OC90: variants seen among roughly 807,000 people sequenced by gnomAD.
OC90 encodes otoconin-90.
OC90 carries 46 observed loss-of-function variants against 47.3 expected under a neutral mutation model. That is an observed-to-expected ratio of 0.97 (90% CI 0.77 to 1.24). The LOEUF (loss-of-function observed/expected upper bound fraction) is 1.24. OC90 is among the 50% of genes most tolerant of loss of function. The pLI is 0.00. For synonymous variants in OC90, 271 were observed against 219.5 expected, an observed-to-expected ratio of 1.23 and a Z score of -2.07; for missense variants, 688 against 583.9, an observed-to-expected ratio of 1.18 and a Z score of -1.84.
At chr8:132,050,459 C>G (rs76790180) in intron 2 of OC90, among the ~76,000 whole-genome samples, 1,819 of 152,156 alleles carry the variant, frequency 0.012, 29 homozygotes, top group South Asian at 0.075. Flanking sequence ...AAGTAAGATC[C>G]CAGGGATGTT....
intron 2 of OC90, among the ~76,000 whole-genome samples, chr8:132,050,459 C>A (rs76790180): frequency 6.6e-6 from 1 of 152,038 alleles, no homozygotes; most frequent in South Asian, 2.1e-4. Flanking sequence ...AAGTAAGATC[C>A]CAGGGATGTT....
intron 3 of OC90, among the ~76,000 whole-genome samples, chr8:132,045,597 A>G (rs1823120559): frequency 1.3e-5 from 2 of 152,126 alleles, no homozygotes; most frequent in Admixed American, 1.3e-4. Flanking sequence ...TTTGTCTTTG[A>G]CAGAAATTTT....
At chr8:132,046,255 C>A (rs987860505) in intron 2 of OC90, among the ~76,000 whole-genome samples, 2 of 113,744 alleles carry the variant, frequency 1.8e-5, no homozygotes, top group African/African-American at 6.9e-5. Flanking sequence ...AATACCCCAA[C>A]CCCCAAGGAG....
chr8:132,029,661 C>T (rs926217039), intron 12 of OC90, among the ~76,000 whole-genome samples: 3 of 152,150 alleles, frequency 2.0e-5, no homozygotes, highest in Non-Finnish European at 2.9e-5. Flanking sequence ...TAAAAAAGAG[C>T]AGAGTAACCA....
rs1823251253 is a variant in OC90 at position 132,054,129 on chromosome 8, G to A, written c.46+852C>T. ...CTACGGCTGTGCTTGGAAGTCCAAG[G>A]CAGGGTTTGCACAGAGGCCTCGTCC... On this transcript the variant is annotated intron_variant, in intron 2 of 13. Coordinates refer to ENST00000254627, the MANE Select transcript of OC90 (RefSeq NM_001080399.3). Among the ~76,000 whole-genome samples, 4 of 152,178 alleles carry A rather than the reference G, an allele frequency of 2.6e-5. No individual in the cohort carries two copies. In the South Asian group the frequency reaches 8.3e-4, roughly 32 times the overall value.
At chr8:132,051,964 A>T (rs1446651928) in intron 2 of OC90, among the ~76,000 whole-genome samples, 3 of 152,184 alleles carry the variant, frequency 2.0e-5, no homozygotes, top group African/African-American at 4.8e-5. Context: ...TCAAATTTAA[A>T]ATAAAATGTT....
intron 1 of OC90, 74 bp from the exon 2 acceptor site, chr8:132,055,147 G>A (rs980432797): frequency 1.3e-6 from 1 of 780,404 alleles, no homozygotes; most frequent in Middle Eastern, 2.5e-4. Flanking sequence ...GGACCCCCAT[G>A]TCCTTTCTTG....
Position 132,029,158 on chromosome 8 carries a change from G to A in OC90, c.1053C>T (p.Cys351=), listed in dbSNP as rs1822835834. The A allele has an allele frequency of 1.2e-6, 2 of 1,613,688 alleles. No individual in the cohort carries two copies. Among genetic ancestry groups the A allele is most frequent in the Non-Finnish European group, 1.7e-6 (2 of 1,179,632 alleles). The stretch of plus-strand genomic sequence containing the variant: ...CCAGCCTTCTCACTTGCTCTAGGCA[G>A]CAGTGATGGGACAAGCAGCACCTAA... The part of the protein sequence containing the change: ...DLDRCCLSHH[C]CLEQVRRLGC... The change falls in exon 13 of 14, where the codon TGC becomes TGT. Residue 351 remains cysteine (C), a synonymous_variant. Transcript: ENST00000254627.
chr8:132,056,347 A>C (rs1823279230), intron 1 of OC90, among the ~76,000 whole-genome samples: 1 of 152,246 alleles, frequency 6.6e-6, no homozygotes, highest in South Asian at 2.1e-4. Context: ...TATTAGGGAA[A>C]GTGTCCCAGA....
intron 13 of OC90, among the ~76,000 whole-genome samples, chr8:132,028,204 A>G (rs1563727123): frequency 6.6e-6 from 1 of 152,162 alleles, no homozygotes; most frequent in Admixed American, 6.5e-5. Context: ...TACGTGCCTC[A>G]ACATTAAGAA....
chr8:132,040,995 G>T, intron 6 of OC90, 49 bp downstream of exon 6: 1 of 1,129,648 alleles, frequency 8.9e-7, no homozygotes, highest in Non-Finnish European at 1.4e-6. Flanking sequence ...TGGGATCCCT[G>T]GACTGTCATT....
chr8:132,027,336 A>G (rs1384515253), intron 13 of OC90, among the ~76,000 whole-genome samples: 1 of 152,132 alleles, frequency 6.6e-6, no homozygotes. Context: ...GAATGAGTGA[A>G]TGAATGAGAG....
At chr8:132,028,551 AAAGAAAGAAAGAAAGGAAGGAAGG>A (rs1453494907) in intron 13 of OC90, among the ~76,000 whole-genome samples, 3,496 of 20,428 alleles carry the variant, frequency 0.17, 55 homozygotes, top group South Asian at 0.28. Flanking sequence ...AGAAAGAAAG[AAAGAAAGAAAGAAAGGAAGGAAGG>A]AAGGAAGGAA....
intron 3 of OC90, among the ~76,000 whole-genome samples, chr8:132,045,579 A>G (rs1044161092): frequency 6.6e-6 from 1 of 152,144 alleles, no homozygotes; most frequent in African/African-American, 2.4e-5. Flanking sequence ...TTCCCTTTTC[A>G]GCTGACCTTT....
intron 10 of OC90, among the ~76,000 whole-genome samples, chr8:132,034,030 G>A (rs1399323997): frequency 2.0e-5 from 3 of 152,136 alleles, no homozygotes; most frequent in Non-Finnish European, 4.4e-5. Flanking sequence ...CTAAAGCCCT[G>A]TTGTAATCTC....
At chr8:132,034,098 A>G (rs1822918039) in intron 10 of OC90, among the ~76,000 whole-genome samples, 1 of 152,202 alleles carries the variant, frequency 6.6e-6, no homozygotes, top group Non-Finnish European at 1.5e-5. Flanking sequence ...GAAGCAAGTT[A>G]TCTAATTTCT....
At position 132,024,424 on chromosome 8, in the gene OC90, G is replaced by C. The variant is rs1210129144; in HGVS notation, c.*57C>G. 1.5e-6 allele frequency: 2 copies of C among 1,327,286 alleles called. No homozygotes were observed. Among genetic ancestry groups the C allele is most frequent in the Non-Finnish European group, 2.1e-6 (2 of 967,530 alleles). 82.2% of individuals were successfully genotyped at this position (1,327,286 alleles called of 1,614,324 possible). A position where few individuals can be genotyped will look rare whatever the true frequency, so the allele number is the denominator to read the frequency against. ...GACAGAGGAGGCTGAGAGATAAAGAGCTGAAGGTGGAGCAGGAGCCACGCT... is the reference window on the plus strand; with the variant it reads ...GACAGAGGAGGCTGAGAGATAAAGACCTGAAGGTGGAGCAGGAGCCACGCT... On this transcript the variant is annotated 3_prime_UTR_variant, in exon 14 of 14. Transcript: ENST00000254627.
At chr8:132,040,943 A>G (rs1047393542) in intron 6 of OC90, 101 bp downstream of exon 6, 28 of 749,040 alleles carry the variant, frequency 3.7e-5, no homozygotes, top group Non-Finnish European at 6.2e-5. Flanking sequence ...AGTGGTGACG[A>G]TGATGTGAGA....
chr8:132,048,093 C>T (rs1308654991), intron 2 of OC90, among the ~76,000 whole-genome samples: 2 of 152,228 alleles, frequency 1.3e-5, no homozygotes, highest in Non-Finnish European at 2.9e-5. Flanking sequence ...CCTCACCAGA[C>T]ACTGAATCAT....
Sources: gnomAD v4.1 joint callset for allele counts (sites outside exome capture counted in the v4.1 genomes callset) on GRCh38, gnomAD v4.1.1 for gene constraint, MANE v1.5 for transcripts, NCBI Gene and HGNC (gene_info 2026-07-23, HGNC 2026-07-21) for gene names.